The following GALNT13 variants were observed in gnomAD, a reference collection of about 807,000 sequenced individuals.
The protein encoded by GALNT13 is polypeptide N-acetylgalactosaminyltransferase 13, also known as UDP-GalNAc:polypeptide N-acetylgalactosaminyltransferase 13.
A neutral mutation model predicts 64.2 loss-of-function variants in GALNT13; 28 were observed. The observed-to-expected ratio is 0.44, with a 90% confidence interval of 0.32 to 0.60. The LOEUF (loss-of-function observed/expected upper bound fraction) is 0.60. Ranked by LOEUF, GALNT13 falls within the 20% of genes least tolerant of loss-of-function variation. GALNT13 has a pLI of 0.05. For synonymous variants in GALNT13, 214 were observed against 224.6 expected, an observed-to-expected ratio of 0.95 and a Z score of 0.42; for missense variants, 577 against 669.8, an observed-to-expected ratio of 0.86 and a Z score of 1.53.
intron 1 of GALNT13, among the ~76,000 whole-genome samples, chr2:153,896,518 A>G (rs1244042446): frequency 1.3e-5 from 2 of 151,992 alleles, no homozygotes; most frequent in Admixed American, 6.6e-5. Flanking sequence ...ATTTCTCACT[A>G]TACTAATTAT....
chr2:154,391,354 G>T (rs1391895790), intron 9 of GALNT13, among the ~76,000 whole-genome samples: 1 of 152,202 alleles, frequency 6.6e-6, no homozygotes, highest in Non-Finnish European at 1.5e-5. Context: ...TATTTTGGGT[G>T]CTAATCAAAA....
At chr2:153,875,634 G>A (rs1044817542) in intron 1 of GALNT13, among the ~76,000 whole-genome samples, 3 of 152,262 alleles carry the variant, frequency 2.0e-5, no homozygotes, top group East Asian at 3.9e-4. Flanking sequence ...GGTGAGATAA[G>A]AAGTAACAGT....
intron 7 of GALNT13, among the ~76,000 whole-genome samples, chr2:154,252,880 C>G (rs543229532): frequency 6.6e-6 from 1 of 152,108 alleles, no homozygotes; most frequent in South Asian, 2.1e-4. Context: ...GTTAGGGGTC[C>G]TTGAACAAGG....
the GALNT13 span, among the ~76,000 whole-genome samples, chr2:153,668,412 C>A: frequency 6.6e-6 from 1 of 152,102 alleles, no homozygotes; most frequent in African/African-American, 2.4e-5. Context: ...AAATCTCAGA[C>A]TATAGTGCAG....
chr2:153,574,702 T>C, the GALNT13 span, among the ~76,000 whole-genome samples: 37 of 148,782 alleles, frequency 2.5e-4, 1 homozygote, highest in South Asian at 6.6e-3. Flanking sequence ...TGATGCTTTA[T>C]AATTATTTCA....
chr2:154,288,703 A>T (rs994511296), intron 8 of GALNT13, among the ~76,000 whole-genome samples: 4 of 152,096 alleles, frequency 2.6e-5, no homozygotes, highest in Non-Finnish European at 5.9e-5. Context: ...GATTCCGTTG[A>T]CTCCATATCT....
chr2:153,429,065 C>A, the GALNT13 span, among the ~76,000 whole-genome samples: 4 of 152,114 alleles, frequency 2.6e-5, no homozygotes, highest in Non-Finnish European at 5.9e-5. Flanking sequence ...ATCTCTTTCT[C>A]TTTCTCTCTC....
chr2:154,247,826 CAG>C (rs1460783210), intron 7 of GALNT13, among the ~76,000 whole-genome samples: 1 of 151,998 alleles, frequency 6.6e-6, no homozygotes, highest in African/African-American at 2.4e-5. Context: ...GTGAGAGAAA[CAG>C]AGAAACCTCA....
At chr2:154,379,144 TA>T (rs1405105456) in intron 9 of GALNT13, among the ~76,000 whole-genome samples, 32 of 152,194 alleles carry the variant, frequency 2.1e-4, no homozygotes, top group Non-Finnish European at 4.0e-4. Flanking sequence ...ACTATGATAT[TA>T]AAAAAACTAA....
intron 9 of GALNT13, among the ~76,000 whole-genome samples, chr2:154,318,020 T>C (rs974034893): frequency 2.6e-5 from 4 of 152,146 alleles, no homozygotes; most frequent in African/African-American, 9.7e-5. Context: ...AATTTCTTGA[T>C]ACACAAGACA....
the GALNT13 span, among the ~76,000 whole-genome samples, chr2:153,453,646 G>C: frequency 2.0e-5 from 3 of 152,146 alleles, no homozygotes; most frequent in Non-Finnish European, 4.4e-5. Flanking sequence ...AGAGAAAAGA[G>C]AATAGTTTTA....
chr2:153,407,894 G>A, the GALNT13 span, among the ~76,000 whole-genome samples: 1 of 152,172 alleles, frequency 6.6e-6, no homozygotes, highest in African/African-American at 2.4e-5. Context: ...ATTTAAAGTG[G>A]GGTCTTGCTG....
At chr2:153,450,928 G>C in the GALNT13 span, among the ~76,000 whole-genome samples, 1 of 152,088 alleles carries the variant, frequency 6.6e-6, no homozygotes, top group East Asian at 1.9e-4. Flanking sequence ...CAATATTTTA[G>C]TTAGGACCTA....
At chr2:154,299,771 G>A (rs1413372509) in intron 8 of GALNT13, among the ~76,000 whole-genome samples, 1 of 151,756 alleles carries the variant, frequency 6.6e-6, no homozygotes, top group East Asian at 1.9e-4. Flanking sequence ...CCTGAAATAC[G>A]TTGATTATTT....
chr2:153,075,166 T>C, the GALNT13 span, among the ~76,000 whole-genome samples: 4 of 152,230 alleles, frequency 2.6e-5, no homozygotes, highest in Non-Finnish European at 5.9e-5. Flanking sequence ...GAACATTTTC[T>C]TGCTAAAACC....
the GALNT13 span, among the ~76,000 whole-genome samples, chr2:153,085,558 T>A: frequency 5.9e-5 from 9 of 152,178 alleles, no homozygotes; most frequent in Non-Finnish European, 4.4e-5. Flanking sequence ...AGGTACAAAC[T>A]CCAAGTCTTG....
At chr2:153,606,378 C>A in the GALNT13 span, among the ~76,000 whole-genome samples, 2 of 152,034 alleles carry the variant, frequency 1.3e-5, no homozygotes, top group African/African-American at 2.4e-5. Flanking sequence ...AGCCAATAAA[C>A]CCTAAACAAA....
chr2:154,216,960 T>C (rs139699462), intron 4 of GALNT13, among the ~76,000 whole-genome samples: 1 of 151,422 alleles, frequency 6.6e-6, no homozygotes, highest in African/African-American at 2.4e-5. Context: ...AGCTATTTTT[T>C]TTTTTTTATT....
the GALNT13 span, among the ~76,000 whole-genome samples, chr2:153,588,256 C>T: frequency 6.6e-6 from 1 of 152,196 alleles, no homozygotes; most frequent in African/African-American, 2.4e-5. Flanking sequence ...CTTTTCACAG[C>T]TCCACTAGGC....
Sources: allele counts gnomAD v4.1 joint callset (sites outside exome capture counted in the v4.1 genomes callset), GRCh38; gene constraint gnomAD v4.1.1; transcripts MANE v1.5; gene names NCBI Gene and HGNC (gene_info 2026-07-23, HGNC 2026-07-21).